PARD3B: variants seen among roughly 807,000 people sequenced by gnomAD.
The protein encoded by PARD3B is partitioning defective 3 homolog B.
A neutral mutation model predicts 130.2 loss-of-function variants in PARD3B; 103 were observed. The observed-to-expected ratio is 0.79, with a 90% confidence interval of 0.67 to 0.93. The LOEUF (loss-of-function observed/expected upper bound fraction) is 0.93. PARD3B is among the 40% of genes least tolerant of loss of function. The probability of loss-of-function intolerance (pLI) is 0.00; values close to 1 mark genes in which losing one functional copy is unlikely to be tolerated. For synonymous variants in PARD3B, 583 were observed against 553.2 expected (o/e 1.05, Z -0.76); for missense variants, 1,609 against 1,499.2 (o/e 1.07, Z -1.21).
intron 16 of PARD3B, among the ~76,000 whole-genome samples, chr2:205,278,147 T>G (rs1207783030): frequency 6.6e-6 from 1 of 152,024 alleles, no homozygotes; most frequent in Non-Finnish European, 1.5e-5. Flanking sequence ...GTTCTGGCAA[T>G]TAGGAGGCAA....
chr2:204,606,044 T>C lies in PARD3B; in HGVS notation c.120+59925T>C, dbSNP rs1278592512. Among the ~76,000 whole-genome samples, 16 of 152,168 alleles carry C rather than the reference T, an allele frequency of 1.1e-4. No homozygotes were observed. The highest frequency in any genetic ancestry group is 1.5e-5 in the Non-Finnish European group (1 of 68,042). On this transcript the variant is annotated intron_variant, in intron 1 of 22. Transcript: ENST00000406610. This position sits in a 1 kb window ranked among gnomAD's most constrained non-coding sequence, Gnocchi z 4.0. ...CCCTCTCTCCATTGGGACATGATATTACCAAGAAGTGCTTTAGAGGGTTTT... is the reference window on the plus strand; with the variant it reads ...CCCTCTCTCCATTGGGACATGATATCACCAAGAAGTGCTTTAGAGGGTTTT...
intron 5 of PARD3B, among the ~76,000 whole-genome samples, chr2:205,107,652 T>C (rs773572033): frequency 5.9e-5 from 9 of 152,210 alleles, no homozygotes; most frequent in Admixed American, 2.0e-4. Context: ...ATTTGCTAAG[T>C]GAATGACTGA....
At chr2:204,653,867 T>C (rs1408796705) in intron 1 of PARD3B, among the ~76,000 whole-genome samples, 1 of 150,950 alleles carries the variant, frequency 6.6e-6, no homozygotes, top group Non-Finnish European at 1.5e-5. Flanking sequence ...TTTAACCTAA[T>C]GAAGCACTGG....
intron 1 of PARD3B, among the ~76,000 whole-genome samples, chr2:204,570,652 C>T (rs1310980488): frequency 6.6e-6 from 1 of 152,172 alleles, no homozygotes; most frequent in African/African-American, 2.4e-5. Context: ...GCAGAGTTTA[C>T]AGGATGAATG....
intron 18 of PARD3B, among the ~76,000 whole-genome samples, chr2:205,386,101 G>A (rs964881451): frequency 3.9e-5 from 6 of 152,094 alleles, no homozygotes; most frequent in African/African-American, 1.2e-4. Context: ...GCAATTCTGC[G>A]ATATTACAAA....
At chr2:205,037,676 A>T (rs1311813560) in intron 3 of PARD3B, among the ~76,000 whole-genome samples, 7 of 117,708 alleles carry the variant, frequency 5.9e-5, no homozygotes, top group African/African-American at 2.1e-4. Flanking sequence ...TATATAGTGG[A>T]CTATATATAT....
chr2:205,408,703 A>T (rs1039387212), intron 19 of PARD3B, among the ~76,000 whole-genome samples: 1 of 152,156 alleles, frequency 6.6e-6, no homozygotes, highest in Admixed American at 6.5e-5. Flanking sequence ...TATTTACTGA[A>T]CTTAATAACT....
chr2:204,584,766 A>T (rs2032743682), intron 1 of PARD3B, among the ~76,000 whole-genome samples: 1 of 152,214 alleles, frequency 6.6e-6, no homozygotes, highest in African/African-American at 2.4e-5. Context: ...GTGGTTTAAT[A>T]GTGGAGACCG....
intron 19 of PARD3B, among the ~76,000 whole-genome samples, chr2:205,424,823 C>T (rs2047089342): frequency 6.6e-6 from 1 of 152,046 alleles, no homozygotes; most frequent in Non-Finnish European, 1.5e-5. Context: ...CCTTGGCAGT[C>T]CCTAGGGTTA....
intron 20 of PARD3B, among the ~76,000 whole-genome samples, chr2:205,456,887 A>G (rs2048294998): frequency 6.7e-6 from 1 of 149,914 alleles, no homozygotes. Flanking sequence ...ATTAAATTGA[A>G]TAATCAATTT....
At chr2:205,188,286 A>T (rs370759525) in intron 14 of PARD3B, among the ~76,000 whole-genome samples, 1 of 152,214 alleles carries the variant, frequency 6.6e-6, no homozygotes, top group Non-Finnish European at 1.5e-5. Flanking sequence ...GAAAGAATGC[A>T]GAGTGTGTTC....
At chr2:204,628,826 C>T (rs750078313) in intron 1 of PARD3B, among the ~76,000 whole-genome samples, 1 of 152,140 alleles carries the variant, frequency 6.6e-6, no homozygotes, top group African/African-American at 2.4e-5. Context: ...AATGTCTTAA[C>T]ATCCTCTCAG....
At chr2:204,596,982 AT>A (rs2033323550) in intron 1 of PARD3B, among the ~76,000 whole-genome samples, 1 of 150,628 alleles carries the variant, frequency 6.6e-6, no homozygotes, top group East Asian at 1.9e-4. Context: ...ATTATATATA[AT>A]TTTTCATGTA....
chr2:204,788,778 A>G (rs1046505873), intron 2 of PARD3B, among the ~76,000 whole-genome samples: 2 of 152,202 alleles, frequency 1.3e-5, no homozygotes, highest in African/African-American at 4.8e-5. Flanking sequence ...ATTATGATGC[A>G]AGTTAGAATA....
chr2:205,337,754 A>T (rs2043364922), intron 18 of PARD3B, among the ~76,000 whole-genome samples: 2 of 152,194 alleles, frequency 1.3e-5, no homozygotes, highest in Admixed American at 6.5e-5. Context: ...TTTGTAAATG[A>T]GGTTAATAAG....
chr2:205,436,363 A>G (rs1013941772), intron 19 of PARD3B, among the ~76,000 whole-genome samples: 3 of 152,172 alleles, frequency 2.0e-5, no homozygotes, highest in East Asian at 1.9e-4. Context: ...AGATGGGTCA[A>G]TAAGTACCAT....
chr2:205,282,549 C>A (rs957392922), intron 16 of PARD3B, among the ~76,000 whole-genome samples: 2 of 150,194 alleles, frequency 1.3e-5, no homozygotes, highest in Non-Finnish European at 3.0e-5. Context: ...ATTTAAATTT[C>A]TTGCTGTTAA....
At chr2:204,656,394 A>G (rs969335318) in intron 1 of PARD3B, among the ~76,000 whole-genome samples, 2 of 152,158 alleles carry the variant, frequency 1.3e-5, no homozygotes, top group African/African-American at 2.4e-5. Context: ...ACAAACATGT[A>G]TGGGCAGTAT....
chr2:204,656,734 A>T (rs941389623), intron 1 of PARD3B, among the ~76,000 whole-genome samples: 5 of 152,134 alleles, frequency 3.3e-5, no homozygotes, highest in Non-Finnish European at 7.4e-5. Context: ...CTACATTCTA[A>T]ATATTTTTTC....
Sources: allele counts gnomAD v4.1 joint callset (sites outside exome capture counted in the v4.1 genomes callset), GRCh38; gene constraint gnomAD v4.1.1; non-coding constraint Gnocchi (gnomAD v3.1); transcripts MANE v1.5; gene names NCBI Gene and HGNC (gene_info 2026-07-23, HGNC 2026-07-21).